The following SEMA4A variants were observed in gnomAD, a reference collection of about 807,000 sequenced individuals.
The protein encoded by SEMA4A is semaphorin-4A.
In SEMA4A, 52 loss-of-function variants were observed where a neutral mutation model predicts 72.5. The ratio of observed to expected loss-of-function variants is 0.72; its 90% CI spans 0.57 to 0.90. The LOEUF (loss-of-function observed/expected upper bound fraction) is 0.90. Among genes scored for constraint, SEMA4A ranks in the 40% least tolerant of loss-of-function variants. The pLI, the probability that SEMA4A is intolerant of heterozygous loss-of-function variation, is 0.00. For missense variants in SEMA4A, 926 were observed against 959.7 expected, an observed-to-expected ratio of 0.96 and a Z score of 0.46; for synonymous variants, 369 against 393.1, an observed-to-expected ratio of 0.94 and a Z score of 0.73.
At chr1:156,161,604 C>A in intron 9 of SEMA4A, 86 bp downstream of exon 9, 2 of 1,441,290 alleles carry the variant, frequency 1.4e-6, no homozygotes, top group Admixed American at 1.8e-5. Flanking sequence ...CAGGAATTGA[C>A]ATGAGCCAGC....
At chr1:156,165,907 C>CTTTTTTTTTTT (rs71080751) in intron 10 of SEMA4A, among the ~76,000 whole-genome samples, 14 of 112,920 alleles carry the variant, frequency 1.2e-4, no homozygotes, top group Admixed American at 2.1e-4. Context: ...TTCCTATCTT[C>CTTTTTTTTTTT]TTTTTTTTTT....
chr1:156,158,543 C>A, intron 5 of SEMA4A, 57 bp downstream of exon 5: 1 of 1,438,816 alleles, frequency 7.0e-7, no homozygotes, highest in Non-Finnish European at 9.8e-7. Flanking sequence ...CACATCTACC[C>A]ACGACTTTCC....
upstream of SEMA4A, among the ~76,000 whole-genome samples, chr1:156,152,874 A>C: frequency 6.6e-6 from 1 of 152,108 alleles, no homozygotes; most frequent in East Asian, 1.9e-4. Context: ...GACCATGTCG[A>C]GTGGGCAGGA....
chr1:156,169,269 T>TTCTC (rs142708846), intron 10 of SEMA4A, among the ~76,000 whole-genome samples: 8 of 150,826 alleles, frequency 5.3e-5, no homozygotes, highest in African/African-American at 1.9e-4. Context: ...GAGAAGATTC[T>TTCTC]TCTCTCTCTC....
intron 14 of SEMA4A, 117 bp downstream of exon 14, chr1:156,175,773 C>A: frequency 1.3e-6 from 1 of 774,180 alleles, no homozygotes; most frequent in Non-Finnish European, 2.3e-6. Flanking sequence ...GAGATCTGAA[C>A]ACCCGAGTTG....
chr1:156,148,865 T>G (rs2102915702), upstream of SEMA4A, among the ~76,000 whole-genome samples: 1 of 148,584 alleles, frequency 6.7e-6, no homozygotes, highest in East Asian at 2.0e-4. Context: ...TGCAATGGCA[T>G]GATCTCGGCT....
At chr1:156,159,018 A>C in intron 6 of SEMA4A, 194 bp downstream of exon 6, 2 of 480,100 alleles carry the variant, frequency 4.2e-6, no homozygotes, top group Non-Finnish European at 7.5e-6. Context: ...TGGGCAACAC[A>C]GCGAGATCGT....
intron 10 of SEMA4A, among the ~76,000 whole-genome samples, chr1:156,164,007 G>T (rs1653929591): frequency 6.7e-6 from 1 of 149,074 alleles, no homozygotes; most frequent in Admixed American, 6.7e-5. Context: ...TCCAGCCTGG[G>T]TGACCAGAGC....
chr1:156,147,630 T>C (rs1329441277), upstream of SEMA4A, among the ~76,000 whole-genome samples: 1 of 151,938 alleles, frequency 6.6e-6, no homozygotes, highest in Non-Finnish European at 1.5e-5. Context: ...AGGAGCAGGA[T>C]GCCTGGGTCT....
In SEMA4A at chr1:156,158,396, T is replaced by TG; in HGVS notation, c.372_373insG (p.Phe125ValfsTer31). 1 of 1,613,422 alleles carries TG rather than the reference T, an allele frequency of 6.2e-7. No homozygotes were observed. On this transcript the variant is annotated frameshift_variant, in exon 5 of 15. Transcript: ENST00000368285. LOFTEE classifies it high-confidence loss of function. ...TTCTCTGTCTCCCTCAGACACAGTG[T>TG]TTCAACTTCATCCGTGTCCTGGTTT...
chr1:156,161,234 CG>C (rs1653605350), intron 8 of SEMA4A, 111 bp from the exon 9 acceptor site: 5 of 392,672 alleles, frequency 1.3e-5, no homozygotes, highest in Admixed American at 9.7e-5. Flanking sequence ...TGGGGACACG[CG>C]GGGCTGGCGG....
chr1:156,156,286 G>A, intron 2 of SEMA4A, 128 bp from the exon 3 acceptor site: 1 of 808,214 alleles, frequency 1.2e-6, no homozygotes, highest in Non-Finnish European at 2.1e-6. Context: ...GTGGAGGAGA[G>A]TGCATCTAGC....
Position 156,158,884 on chromosome 1 carries a change from T to C in SEMA4A, c.568+60T>C, listed in dbSNP as rs1474078825. 2.1e-6 allele frequency: 3 copies of C among 1,398,680 alleles called. 1 individual carries two copies. Among genetic ancestry groups the C allele is most frequent in the South Asian group, 2.3e-5 (2 of 86,930 alleles). The allele number at this position is 1,398,680 out of a possible 1,614,324, so 86.6% of individuals were successfully genotyped here. On this transcript the variant is annotated intron_variant, in intron 6 of 14. Transcript: ENST00000368285. ...TACTTTCTCCAGTCACGCTGTGAAA[T>C]ATGGAATATTACAGAGTTTTCCAAA...
At chr1:156,158,182 T>C (rs762436782) in intron 4 of SEMA4A, 50 bp downstream of exon 4, 11 of 1,593,202 alleles carry the variant, frequency 6.9e-6, no homozygotes, top group Non-Finnish European at 9.5e-6. Context: ...AGCTCTGGCA[T>C]CCCTAGACCA....
At position 156,161,437 on chromosome 1, in the gene SEMA4A, TC is replaced by T. The variant is rs1413762433; in HGVS notation, c.903del (p.Phe301LeufsTer57). ...LLCTQPGQLPFNVIRHAVLLP... is the reference protein window; with the variant it reads ...LLCTQPGQLPXNVIRHAVLLP... The stretch of plus-strand genomic sequence containing the variant: ...TGCACCCAGCCGGGGCAGCTGCCCT[TC>T]AACGTCATCCGCCACGCGGTCCTGC... On this transcript the variant is annotated frameshift_variant, in exon 9 of 15. Transcript: ENST00000368285. LOFTEE classifies it high-confidence loss of function. 2 of 1,613,768 alleles carry T rather than the reference TC, an allele frequency of 1.2e-6. No homozygotes were observed. The highest frequency in any genetic ancestry group is 1.7e-6 in the Non-Finnish European group (2 of 1,179,946).
At chr1:156,167,987 C>G (rs1654335402) in intron 10 of SEMA4A, among the ~76,000 whole-genome samples, 1 of 152,144 alleles carries the variant, frequency 6.6e-6, no homozygotes, top group Non-Finnish European at 1.5e-5. Context: ...ATGGCGCGAT[C>G]TTAGCTCACT....
rs1653301535 is a variant in SEMA4A, at chr1:156,158,841, C to T, written c.568+17C>T. On this transcript the variant is annotated intron_variant, in intron 6 of 14. Transcript: ENST00000368285. ...TCTTGGTGGGTGAGTATCAGGTTTCCCACTTCATCCCAACATCTACTTTCT... is the reference window on the plus strand; with the variant it reads ...TCTTGGTGGGTGAGTATCAGGTTTCTCACTTCATCCCAACATCTACTTTCT... 1.9e-6 allele frequency: 3 copies of T among 1,565,508 alleles called. No homozygotes were observed. Among genetic ancestry groups the T allele is most frequent in the Non-Finnish European group, 2.6e-6 (3 of 1,136,224 alleles).
rs1465302711 is a variant in SEMA4A at position 156,176,908 on chromosome 1, G to C, written c.2197G>C (p.Glu733Gln). The C allele has an allele frequency of 6.2e-7, 1 of 1,614,234 alleles. No individual in the cohort carries two copies. The highest frequency in any genetic ancestry group is 1.1e-5 in the South Asian group (1 of 91,092). The change falls in exon 15 of 15, where the codon GAG becomes CAG. Residue 733 changes from glutamate (E) to glutamine (Q), a missense_variant. Physicochemically the swap from Glu to Gln is conservative, Grantham distance 29 (BLOSUM62 2). Coordinates refer to ENST00000368285, the MANE Select transcript of SEMA4A (RefSeq NM_022367.4). ...RPGEKAPLSREQHLQSPKECR... is the reference protein window; with the variant it reads ...RPGEKAPLSRQQHLQSPKECR... Reference sequence around the variant, plus strand: ...TGGGGAGAAGGCCCCGTTAAGCAGAGAGCAACACCTCCAGTCTCCCAAGGA... The same window carrying C: ...TGGGGAGAAGGCCCCGTTAAGCAGACAGCAACACCTCCAGTCTCCCAAGGA...
chr1:156,156,333 C>A, intron 2 of SEMA4A, 81 bp from the exon 3 acceptor site: 2 of 1,398,358 alleles, frequency 1.4e-6, no homozygotes, highest in Non-Finnish European at 2.0e-6. Flanking sequence ...GCAACCCTTC[C>A]CCTTCCCCCA....
Sources: gnomAD v4.1 joint callset for allele counts (sites outside exome capture counted in the v4.1 genomes callset) on GRCh38, gnomAD v4.1.1 for gene constraint, MANE v1.5 for transcripts, NCBI Gene and HGNC (gene_info 2026-07-23, HGNC 2026-07-21) for gene names.